The following FHIT variants were observed in gnomAD, a reference collection of about 807,000 sequenced individuals.
FHIT encodes the protein fragile histidine triad diadenosine triphosphatase.
In FHIT, 19 loss-of-function variants were observed where a neutral mutation model predicts 17.9. That is an observed-to-expected ratio of 1.06 (90% CI 0.74 to 1.56). FHIT has a LOEUF of 1.56. FHIT is among the 40% of genes most tolerant of loss of function. The pLI, the probability that FHIT is intolerant of heterozygous loss-of-function variation, is 0.00. For synonymous variants in FHIT, 81 were observed against 69.7 expected, an observed-to-expected ratio of 1.16 and a Z score of -0.81; for missense variants, 248 against 189.2, an observed-to-expected ratio of 1.31 and a Z score of -1.82.
At chr3:60,652,470 A>G (rs563308812) in intron 4 of FHIT, among the ~76,000 whole-genome samples, 4 of 152,266 alleles carry the variant, frequency 2.6e-5, no homozygotes, top group African/African-American at 9.6e-5. Flanking sequence ...AGGCGCGGTC[A>G]CGCCTGTAAT....
intron 3 of FHIT, among the ~76,000 whole-genome samples, chr3:60,876,342 C>G (rs77171804): frequency 6.6e-6 from 1 of 152,086 alleles, no homozygotes; most frequent in Non-Finnish European, 1.5e-5. Context: ...ATTAGAAGTA[C>G]AATTGATTAC....
intron 1 of FHIT, among the ~76,000 whole-genome samples, chr3:61,213,690 C>G (rs944213003): frequency 2.6e-5 from 4 of 152,212 alleles, no homozygotes; most frequent in Non-Finnish European, 5.9e-5. Flanking sequence ...CATCCCAAAA[C>G]AACAGAACAT....
chr3:59,843,292 A>AT (rs1294656571), intron 8 of FHIT, among the ~76,000 whole-genome samples: 32 of 152,252 alleles, frequency 2.1e-4, no homozygotes, highest in African/African-American at 7.2e-4. Flanking sequence ...ATCTATCTTT[A>AT]TGCCAATACC....
intron 4 of FHIT, among the ~76,000 whole-genome samples, chr3:60,705,244 T>C (rs565058912): frequency 3.9e-5 from 6 of 152,058 alleles, no homozygotes; most frequent in Non-Finnish European, 8.8e-5. Flanking sequence ...GGAAGCAGGA[T>C]AAAAGAGGAA....
intron 4 of FHIT, among the ~76,000 whole-genome samples, chr3:60,662,084 C>T (rs1364089195): frequency 6.6e-6 from 1 of 151,870 alleles, no homozygotes; most frequent in African/African-American, 2.4e-5. Context: ...TTTGTTTTTG[C>T]TTTTCGTTTC....
chr3:60,624,022 A>G (rs1304258373), intron 4 of FHIT, among the ~76,000 whole-genome samples: 1 of 152,256 alleles, frequency 6.6e-6, no homozygotes, highest in Non-Finnish European at 1.5e-5. Context: ...GTACAATGTT[A>G]TAGTAATACA....
intron 3 of FHIT, among the ~76,000 whole-genome samples, chr3:61,019,964 C>T (rs2032324391): frequency 6.6e-6 from 1 of 152,140 alleles, no homozygotes; most frequent in African/African-American, 2.4e-5. Flanking sequence ...TTGCTGCACC[C>T]ACCAACCTGT....
intron 8 of FHIT, among the ~76,000 whole-genome samples, chr3:59,828,447 T>C (rs1373346802): frequency 1.3e-5 from 2 of 152,232 alleles, no homozygotes; most frequent in African/African-American, 2.4e-5. Context: ...CTCTTAGTCA[T>C]TGACAACTTT....
At chr3:60,733,136 C>T (rs1417555193) in intron 4 of FHIT, among the ~76,000 whole-genome samples, 2 of 152,160 alleles carry the variant, frequency 1.3e-5, no homozygotes, top group East Asian at 3.9e-4. Context: ...TGCTAGAGAG[C>T]AATTAACCTT....
chr3:60,590,745 C>A (rs906710218), intron 4 of FHIT, among the ~76,000 whole-genome samples: 1 of 152,216 alleles, frequency 6.6e-6, no homozygotes, highest in African/African-American at 2.4e-5. Context: ...ACATGTTGCA[C>A]CACAGCTCCA....
chr3:60,823,491 GA>G (rs1234181507), intron 3 of FHIT, among the ~76,000 whole-genome samples: 1 of 152,180 alleles, frequency 6.6e-6, no homozygotes, highest in Non-Finnish European at 1.5e-5. Flanking sequence ...TGAAGACACA[GA>G]GACACACGGG....
intron 5 of FHIT, among the ~76,000 whole-genome samples, chr3:60,087,567 C>T (rs1703548576): frequency 6.6e-6 from 1 of 152,182 alleles, no homozygotes; most frequent in Non-Finnish European, 1.5e-5. Context: ...ATGCCACTAA[C>T]TGAGGTCTTT....
At chr3:60,877,987 G>T (rs1704749357) in intron 3 of FHIT, among the ~76,000 whole-genome samples, 1 of 152,052 alleles carries the variant, frequency 6.6e-6, no homozygotes, top group Non-Finnish European at 1.5e-5. Context: ...CCACTACATA[G>T]TTCTTCATTC....
chr3:60,797,870 T>C (rs1435440317), intron 4 of FHIT, among the ~76,000 whole-genome samples: 1 of 152,122 alleles, frequency 6.6e-6, no homozygotes, highest in African/African-American at 2.4e-5. Context: ...TTCTAATGTA[T>C]AATTTTGAAT....
At chr3:60,606,861 T>A (rs1559576469) in intron 4 of FHIT, among the ~76,000 whole-genome samples, 1 of 152,190 alleles carries the variant, frequency 6.6e-6, no homozygotes, top group Non-Finnish European at 1.5e-5. Flanking sequence ...CGCATCTTGA[T>A]TCTGTTAACT....
chr3:60,424,354 CACAT>C (rs1479744567), intron 5 of FHIT, among the ~76,000 whole-genome samples: 1 of 152,120 alleles, frequency 6.6e-6, no homozygotes, highest in Non-Finnish European at 1.5e-5. Context: ...AAAATGAACT[CACAT>C]ACATCTCAAA....
intron 2 of FHIT, among the ~76,000 whole-genome samples, chr3:61,069,713 G>A (rs116047482): frequency 2.0e-5 from 3 of 152,202 alleles, no homozygotes; most frequent in East Asian, 1.9e-4. Context: ...TAAACTCTTC[G>A]TATCCCCAGA....
intron 8 of FHIT, among the ~76,000 whole-genome samples, chr3:59,866,497 G>C (rs1049666948): frequency 1.3e-5 from 2 of 152,152 alleles, no homozygotes; most frequent in African/African-American, 4.8e-5. Context: ...AATCTGTTTT[G>C]CGGAGTTCTT....
At chr3:60,849,956 AG>A (rs1553747759) in intron 3 of FHIT, among the ~76,000 whole-genome samples, 1 of 152,112 alleles carries the variant, frequency 6.6e-6, no homozygotes, top group Non-Finnish European at 1.5e-5. Flanking sequence ...CTCTCAGGTC[AG>A]GCTAACTATT....
Sources: gnomAD v4.1 joint callset for allele counts (sites outside exome capture counted in the v4.1 genomes callset) on GRCh38, gnomAD v4.1.1 for gene constraint, MANE v1.5 for transcripts, NCBI Gene and HGNC (gene_info 2026-07-23, HGNC 2026-07-21) for gene names.